Variants in OCM2 observed in about 807,000 individuals in gnomAD.
The protein encoded by OCM2 is oncomodulin-2.
Under a neutral mutation model 13.6 loss-of-function variants are expected in OCM2, and 6 were observed. The ratio of observed to expected loss-of-function variants is 0.44; its 90% CI spans 0.24 to 0.87. OCM2 has a LOEUF of 0.87. Ranked by LOEUF, OCM2 falls within the 40% of genes least tolerant of loss-of-function variation. The pLI, the probability that OCM2 is intolerant of heterozygous loss-of-function variation, is 0.22. For missense variants in OCM2, 118 were observed against 136.8 expected, an observed-to-expected ratio of 0.86 and a Z score of 0.68; for synonymous variants, 40 against 50.7, an observed-to-expected ratio of 0.79 and a Z score of 0.90.
At chr7:97,987,207 T>C in intron 2 of OCM2, 51 bp from the exon 3 acceptor site, 1 of 1,607,420 alleles carries the variant, frequency 6.2e-7, no homozygotes, top group Non-Finnish European at 8.5e-7. Flanking sequence ...CGTGCATCCC[T>C]GTGTTTAGAC....
chr7:97,990,016 T>TGGGAGCCC, intron 1 of OCM2, 28 bp downstream of exon 1: 1 of 1,083,840 alleles, frequency 9.2e-7, no homozygotes, highest in Non-Finnish European at 1.4e-6. Context: ...TGTGAGGAAA[T>TGGGAGCCC]CCCACCCCCG....
chr7:97,988,639 C>T lies in OCM2; in HGVS notation c.62-91G>A, dbSNP rs1794696638. The T allele has an allele frequency of 2.0e-6, 3 of 1,525,696 alleles. No individual in the cohort carries two copies. In the Admixed American group the frequency reaches 5.2e-5, roughly 27 times the overall value. 94.5% of individuals were successfully genotyped at this position (1,525,696 alleles called of 1,614,324 possible). On this transcript the variant is annotated intron_variant, in intron 1 of 3. Transcript: ENST00000257627. ...CTGAAAACACAGATGATTAAAAACA[C>T]TTCAACAATATCCCTGAGCTACGGG...
chr7:97,985,374 A>G (rs1181416098), intron 3 of OCM2, among the ~76,000 whole-genome samples: 1 of 149,062 alleles, frequency 6.7e-6, no homozygotes, highest in African/African-American at 2.5e-5. Context: ...AGCCGAAATC[A>G]TGCCACTGCA....
chr7:97,987,452 C>T (rs1401547707), intron 2 of OCM2, among the ~76,000 whole-genome samples: 1 of 151,544 alleles, frequency 6.6e-6, no homozygotes, highest in Non-Finnish European at 1.5e-5. Context: ...CTCAATCAAT[C>T]CTTCTGCCTC....
chr7:97,986,939 G>T, intron 3 of OCM2, 108 bp downstream of exon 3: 1 of 1,542,688 alleles, frequency 6.5e-7, no homozygotes, highest in South Asian at 1.2e-5. Context: ...GCTCGGTAAG[G>T]TTAAGAAAGG....
chr7:97,990,020 A>ACCCCC, intron 1 of OCM2, 24 bp downstream of exon 1: 1 of 644,628 alleles, frequency 1.6e-6, no homozygotes, highest in Admixed American at 2.1e-5. Context: ...AGGAAATCCC[A>ACCCCC]CCCCCGCCCC....
exon 4 of OCM2, chr7:97,984,854 T>A (rs1324419662): frequency 2.3e-6 from 3 of 1,299,628 alleles, no homozygotes; most frequent in Non-Finnish European, 3.3e-6. Flanking sequence ...CAGGGAAAAT[T>A]AACAAATTAG....
At chr7:97,989,176 C>T (rs1308839649) in intron 1 of OCM2, among the ~76,000 whole-genome samples, 2 of 151,890 alleles carry the variant, frequency 1.3e-5, no homozygotes, top group East Asian at 1.9e-4. Context: ...AGTGATGCAC[C>T]GGCCTTGGCC....
exon 2 of OCM2, chr7:97,988,448 G>A (rs780152782): frequency 1.9e-6 from 3 of 1,614,128 alleles, no homozygotes; most frequent in South Asian, 2.2e-5. Context: ...ACCCGCTCTG[G>A]TCGTTGTCTA....
chr7:97,985,431 A>AAAAAAAAAAGAAAG (rs757682710), intron 3 of OCM2, among the ~76,000 whole-genome samples: 1 of 131,500 alleles, frequency 7.6e-6, no homozygotes, highest in Non-Finnish European at 1.6e-5. Flanking sequence ...AAAAAAAAAA[A>AAAAAAAAAAGAAAG]AAAGAAAGAA....
chr7:97,988,954 CAG>C (rs1213831971), intron 1 of OCM2, among the ~76,000 whole-genome samples: 2 of 131,992 alleles, frequency 1.5e-5, no homozygotes, highest in Non-Finnish European at 3.2e-5. Context: ...TTTTTTGAGA[CAG>C]AGTCTCACTC....
chr7:97,990,016 T>TGCCCCCCCC, intron 1 of OCM2, 28 bp downstream of exon 1: 2 of 1,083,840 alleles, frequency 1.8e-6, no homozygotes, highest in Non-Finnish European at 2.8e-6. Flanking sequence ...TGTGAGGAAA[T>TGCCCCCCCC]CCCACCCCCG....
At chr7:97,989,282 G>A (rs1455408520) in intron 1 of OCM2, among the ~76,000 whole-genome samples, 1 of 152,000 alleles carries the variant, frequency 6.6e-6, no homozygotes, top group African/African-American at 2.4e-5. Flanking sequence ...TCTTACAGAA[G>A]TGTAATCGTG....
intron 1 of OCM2, 24 bp downstream of exon 1, chr7:97,990,017 CCCA>C: frequency 2.1e-5 from 13 of 629,568 alleles, no homozygotes; most frequent in Non-Finnish European, 3.9e-5. Context: ...GTGAGGAAAT[CCCA>C]CCCCCGCCCC....
exon 4 of OCM2, chr7:97,984,766 A>G: frequency 1.4e-6 from 1 of 700,070 alleles, no homozygotes; most frequent in Non-Finnish European, 2.4e-6. Flanking sequence ...TTGTCAGGGC[A>G]TATACCCACC....
Position 97,987,029 on chromosome 7 carries a change from G to A in OCM2, c.304+18C>T, listed in dbSNP as rs372070368. Reference sequence around the variant, plus strand: ...CCTGAGCTAGAGTGTTTTATGCTACGTACACGTGTGGACATACCCTCTGCT... The same window carrying A: ...CCTGAGCTAGAGTGTTTTATGCTACATACACGTGTGGACATACCCTCTGCT... On this transcript the variant is annotated intron_variant, in intron 3 of 3. Coordinates refer to ENST00000257627, the Ensembl canonical transcript of OCM2. The A allele has an allele frequency of 1.7e-5, 27 of 1,611,354 alleles. No homozygotes were observed. The highest frequency in any genetic ancestry group is 4.0e-5 in the African/African-American group (3 of 74,822).
intron 3 of OCM2, among the ~76,000 whole-genome samples, chr7:97,985,431 A>AAAAAAAAAAAAG (rs757682710): frequency 2.3e-5 from 3 of 131,500 alleles, no homozygotes; most frequent in Non-Finnish European, 3.1e-5. Context: ...AAAAAAAAAA[A>AAAAAAAAAAAAG]AAAGAAAGAA....
At chr7:97,987,006 T>C in intron 3 of OCM2, 41 bp downstream of exon 3, 1 of 1,609,356 alleles carries the variant, frequency 6.2e-7, no homozygotes, top group African/African-American at 1.3e-5. Context: ...GGATGCTTCC[T>C]GAGCTAGAGT....
intron 3 of OCM2, among the ~76,000 whole-genome samples, chr7:97,985,992 A>G (rs1223211376): frequency 6.6e-6 from 1 of 152,072 alleles, no homozygotes; most frequent in Non-Finnish European, 1.5e-5. Context: ...GGCTCACTGC[A>G]ACCTCTGCCT....
Sources: gnomAD v4.1 joint callset for allele counts (sites outside exome capture counted in the v4.1 genomes callset) on GRCh38, gnomAD v4.1.1 for gene constraint, MANE v1.5 for transcripts, NCBI Gene and HGNC (gene_info 2026-07-23, HGNC 2026-07-21) for gene names.